COPG2: variants seen among roughly 807,000 people sequenced by gnomAD.
COPG2 encodes the protein coat protein complex I subunit gamma 2, also known as coatomer subunit gamma-2.
A neutral mutation model predicts 46.3 loss-of-function variants in COPG2; 37 were observed. That is an observed-to-expected ratio of 0.80 (90% CI 0.61 to 1.05). The LOEUF (loss-of-function observed/expected upper bound fraction) is 1.05, where lower values mean the gene tolerates loss of function less well. Among genes scored for constraint, COPG2 ranks in the 50% least tolerant of loss-of-function variants. The pLI, the probability that COPG2 is intolerant of heterozygous loss-of-function variation, is 0.00. For missense variants in COPG2, 427 were observed against 387.8 expected (o/e 1.10, Z -0.85); for synonymous variants, 159 against 129.7 (o/e 1.23, Z -1.53).
chr7:130,592,590 A>G (rs1554449188), intron 9 of COPG2, among the ~76,000 whole-genome samples: 1 of 152,168 alleles, frequency 6.6e-6, no homozygotes, highest in African/African-American at 2.4e-5. Context: ...TAGGAATAAA[A>G]AGAACTTTTA....
At chr7:130,521,897 T>C (rs939860002) in intron 20 of COPG2, among the ~76,000 whole-genome samples, 16 of 152,214 alleles carry the variant, frequency 1.1e-4, no homozygotes, top group Non-Finnish European at 1.8e-4. Flanking sequence ...GACAACTATA[T>C]GCATCAGAGT....
At chr7:130,652,600 C>CAT (rs1795769547) in intron 5 of COPG2, among the ~76,000 whole-genome samples, 1 of 152,030 alleles carries the variant, frequency 6.6e-6, no homozygotes, top group Admixed American at 6.6e-5. Flanking sequence ...TTTCAGTGCA[C>CAT]GTTATCTTTT....
At chr7:130,660,231 C>A (rs1477232567) in intron 4 of COPG2, among the ~76,000 whole-genome samples, 3 of 152,114 alleles carry the variant, frequency 2.0e-5, no homozygotes, top group Non-Finnish European at 4.4e-5. Flanking sequence ...CTACAAAAAG[C>A]CTAAAATACT....
At chr7:130,552,310 T>C in intron 15 of COPG2, 45 bp downstream of exon 15, 3 of 397,958 alleles carry the variant, frequency 7.5e-6, no homozygotes, top group Middle Eastern at 6.3e-4. Context: ...TGTTTAACCA[T>C]ATAGAATTCT....
At chr7:130,614,879 G>T (rs6467309) in intron 6 of COPG2, among the ~76,000 whole-genome samples, 23,245 of 152,150 alleles carry the variant, frequency 0.15, 3,371 homozygotes, top group African/African-American at 0.38. Context: ...GATATTGCCT[G>T]GGTATTCCTT....
intron 20 of COPG2, among the ~76,000 whole-genome samples, chr7:130,513,056 C>T (rs181436084): frequency 6.6e-6 from 1 of 151,648 alleles, no homozygotes; most frequent in African/African-American, 2.4e-5. Flanking sequence ...GGGACTGAGA[C>T]AGGTGGATCA....
chr7:130,526,068 G>A (rs1799771644), intron 20 of COPG2, among the ~76,000 whole-genome samples: 1 of 152,104 alleles, frequency 6.6e-6, no homozygotes, highest in Non-Finnish European at 1.5e-5. Context: ...GTGAGGAAAG[G>A]AGGAAGAGAA....
Position 130,506,485 on chromosome 7 carries a change from G to GAAAA in COPG2, c.*187_*190dup. 5 of 327,008 alleles carry GAAAA rather than the reference G, an allele frequency of 1.5e-5. No individual in the cohort carries two copies. Among genetic ancestry groups the GAAAA allele is most frequent in the Non-Finnish European group, 1.1e-5 (2 of 185,654 alleles). 20.3% of individuals were successfully genotyped at this position (327,008 alleles called of 1,614,324 possible). A position where few individuals can be genotyped will look rare whatever the true frequency, so the allele number is the denominator to read the frequency against. On this transcript the variant is annotated 3_prime_UTR_variant, in exon 24 of 24. Coordinates refer to ENST00000425248, the MANE Select transcript of COPG2 (RefSeq NM_012133.6). ...CAAAGCTGACCAAGTAGAATAAAAA[G>GAAAA]AAAAAAAAAAAAAAACAACCCATGC...
chr7:130,659,854 G>C (rs1795940309), intron 4 of COPG2, among the ~76,000 whole-genome samples: 1 of 152,184 alleles, frequency 6.6e-6, no homozygotes, highest in African/African-American at 2.4e-5. Flanking sequence ...GGAGGCTGCA[G>C]TGAGCCAAGA....
At chr7:130,583,807 A>C (rs1794208439) in intron 9 of COPG2, among the ~76,000 whole-genome samples, 2 of 91,638 alleles carry the variant, frequency 2.2e-5, no homozygotes, top group South Asian at 3.8e-4. Context: ...CTCCATCTCA[A>C]AAAAAAAAAA....
intron 5 of COPG2, among the ~76,000 whole-genome samples, chr7:130,649,090 C>T (rs537482074): frequency 6.6e-6 from 1 of 152,180 alleles, no homozygotes; most frequent in African/African-American, 2.4e-5. Flanking sequence ...CAGATCTTGC[C>T]TAGATAATCC....
chr7:130,643,832 G>A (rs1275558651), intron 5 of COPG2, among the ~76,000 whole-genome samples: 5 of 152,098 alleles, frequency 3.3e-5, no homozygotes, highest in Admixed American at 6.5e-5. Flanking sequence ...AACTGGAGGC[G>A]GTGATACACA....
chr7:130,596,248 T>C (rs1794524873), intron 9 of COPG2, among the ~76,000 whole-genome samples: 1 of 152,208 alleles, frequency 6.6e-6, no homozygotes, highest in South Asian at 2.1e-4. Flanking sequence ...TGTTTTCCCT[T>C]TCCCATCTCT....
chr7:130,645,181 G>T (rs782605554), intron 5 of COPG2: 4 of 619,352 alleles, frequency 6.5e-6, no homozygotes, highest in Admixed American at 5.8e-5. Flanking sequence ...ATGCTTCCAC[G>T]TATTCAGAGA....
intron 9 of COPG2, among the ~76,000 whole-genome samples, chr7:130,604,370 T>C (rs577931885): frequency 1.3e-5 from 2 of 152,374 alleles, no homozygotes; most frequent in South Asian, 4.1e-4. Context: ...GGTCATACTT[T>C]AATATTGTGT....
chr7:130,591,605 G>A (rs1301504426), intron 9 of COPG2, among the ~76,000 whole-genome samples: 2 of 140,308 alleles, frequency 1.4e-5, no homozygotes, highest in Non-Finnish European at 3.1e-5. Context: ...GGAGGTGGGG[G>A]GGTCAGCCCC....
intron 20 of COPG2, among the ~76,000 whole-genome samples, chr7:130,523,142 C>T (rs1312476158): frequency 3.7e-5 from 1 of 26,778 alleles, no homozygotes; most frequent in South Asian, 1.3e-3. Context: ...AAAGAAGGCT[C>T]CAGGCCTCAA....
chr7:130,663,889 C>A (rs894621439), intron 3 of COPG2, among the ~76,000 whole-genome samples: 1 of 151,904 alleles, frequency 6.6e-6, no homozygotes, highest in Non-Finnish European at 1.5e-5. Context: ...CAGGTGTGCA[C>A]CACCACGCCC....
At chr7:130,512,582 C>T (rs1163682467) in intron 20 of COPG2, among the ~76,000 whole-genome samples, 3 of 151,998 alleles carry the variant, frequency 2.0e-5, no homozygotes, top group Non-Finnish European at 4.4e-5. Flanking sequence ...GAGTTTGAGA[C>T]CAGCCTGGCC....
Sources: gnomAD v4.1 joint callset for allele counts (sites outside exome capture counted in the v4.1 genomes callset) on GRCh38, gnomAD v4.1.1 for gene constraint, MANE v1.5 for transcripts, NCBI Gene and HGNC (gene_info 2026-07-23, HGNC 2026-07-21) for gene names.